Variants in AZI2 observed in about 807,000 individuals in gnomAD.
AZI2 encodes the protein 5-azacytidine-induced protein 2.
Under a neutral mutation model 45.8 loss-of-function variants are expected in AZI2, and 22 were observed. The ratio of observed to expected loss-of-function variants is 0.48; its 90% confidence interval spans 0.34 to 0.69. AZI2 has a LOEUF of 0.69. Among genes scored for constraint, AZI2 ranks in the 30% least tolerant of loss-of-function variants. The probability of loss-of-function intolerance (pLI) is 0.01; values close to 1 mark genes in which losing one functional copy is unlikely to be tolerated. For missense variants in AZI2, 417 were observed against 441.5 expected (o/e 0.94, Z 0.50); for synonymous variants, 137 against 156.7 (o/e 0.87, Z 0.94).
intron 6 of AZI2, among the ~76,000 whole-genome samples, chr3:28,328,262 T>C (rs150189172): frequency 1.9e-3 from 287 of 151,224 alleles, no homozygotes; most frequent in African/African-American, 6.5e-3. Flanking sequence ...TTTGCTACAA[T>C]GAATGTTTCA....
chr3:28,347,822 T>C (rs1414837885), intron 1 of AZI2, among the ~76,000 whole-genome samples: 1 of 152,248 alleles, frequency 6.6e-6, no homozygotes, highest in African/African-American at 2.4e-5. Flanking sequence ...ATGGCGTTTT[T>C]AGAGAAATGA....
intron 1 of AZI2, among the ~76,000 whole-genome samples, chr3:28,342,740 C>T (rs1704073619): frequency 6.6e-6 from 1 of 151,310 alleles, no homozygotes; most frequent in Non-Finnish European, 1.5e-5. Flanking sequence ...CACACACACA[C>T]ACACACACTC....
intron 5 of AZI2, among the ~76,000 whole-genome samples, chr3:28,335,246 GCTACA>G (rs1383638743): frequency 2.0e-5 from 3 of 151,956 alleles, no homozygotes; most frequent in Admixed American, 6.6e-5. Flanking sequence ...GGTACTGCTT[GCTACA>G]CTACAACAAA....
At chr3:28,328,968 A>G (rs1366675472) in intron 6 of AZI2, among the ~76,000 whole-genome samples, 1 of 151,176 alleles carries the variant, frequency 6.6e-6, no homozygotes, top group Non-Finnish European at 1.5e-5. Flanking sequence ...TTCAAAGACA[A>G]TGTATAGATT....
At chr3:28,340,294 G>C (rs1463281725) in intron 2 of AZI2, 108 bp downstream of exon 2, 1 of 771,594 alleles carries the variant, frequency 1.3e-6, no homozygotes, top group East Asian at 2.7e-5. Context: ...GTTATTCTTG[G>C]AAATTTAGTA....
chr3:28,346,467 T>A (rs1048694227), intron 1 of AZI2, among the ~76,000 whole-genome samples: 3 of 152,042 alleles, frequency 2.0e-5, no homozygotes, highest in Non-Finnish European at 4.4e-5. Flanking sequence ...CACACCAAAC[T>A]TGGCAAGAAA....
intron 5 of AZI2, among the ~76,000 whole-genome samples, chr3:28,335,014 TG>T (rs1338233942): frequency 6.6e-6 from 1 of 151,826 alleles, no homozygotes; most frequent in Non-Finnish European, 1.5e-5. Context: ...TACAGACTCT[TG>T]GGCCAAAGAA....
chr3:28,344,161 C>T (rs557195513), intron 1 of AZI2, among the ~76,000 whole-genome samples: 16 of 152,046 alleles, frequency 1.1e-4, no homozygotes, highest in African/African-American at 3.6e-4. Context: ...AATGTGCTAG[C>T]ACCACATATA....
chr3:28,331,873 T>G (rs1025313671), intron 6 of AZI2: 9 of 1,548,084 alleles, frequency 5.8e-6, no homozygotes, highest in Non-Finnish European at 7.9e-6. Context: ...TCTATTCTTA[T>G]GCGAAGAGGG....
At chr3:28,348,231 C>T (rs1306561471) in intron 1 of AZI2, 1 of 152,128 alleles carries the variant, frequency 6.6e-6, no homozygotes, top group Non-Finnish European at 1.5e-5. Context: ...ACCGTCCTAG[C>T]CAATGTCCCT....
chr3:28,343,338 G>T (rs1057022723), intron 1 of AZI2, among the ~76,000 whole-genome samples: 2 of 151,884 alleles, frequency 1.3e-5, no homozygotes, highest in African/African-American at 2.4e-5. Context: ...TCCAGCAGGG[G>T]AACAAGTTCA....
chr3:28,328,931 T>G (rs1378206734), intron 6 of AZI2, among the ~76,000 whole-genome samples: 1 of 151,190 alleles, frequency 6.6e-6, no homozygotes, highest in Non-Finnish European at 1.5e-5. Flanking sequence ...TTTAGCAGGC[T>G]TCCAATTAAA....
chr3:28,334,255 T>A (rs866062569), intron 5 of AZI2, among the ~76,000 whole-genome samples: 3 of 151,904 alleles, frequency 2.0e-5, no homozygotes, highest in East Asian at 1.9e-4. Context: ...AAATTTTTTT[T>A]AAAATGGCTA....
rs143418508 is a variant in AZI2 at position 28,323,615 on chromosome 3, C to T, written c.*427G>A. 2,222 of 153,876 alleles carry T rather than the reference C, an allele frequency of 0.014. 54 individuals are homozygous for T. Among genetic ancestry groups the T allele is most frequent in the African/African-American group, 0.05 (2,056 of 41,454 alleles). 9.5% of individuals were successfully genotyped at this position (153,876 alleles called of 1,614,324 possible). ...ATTATAACAACAGAAATGTAACCTA[C>T]TCACATTGCCATTTGTTCCATTATG... On this transcript the variant is annotated 3_prime_UTR_variant, in exon 8 of 8. Transcript: ENST00000479665.
chr3:28,328,577 T>C (rs929048573), intron 6 of AZI2, among the ~76,000 whole-genome samples: 1 of 151,166 alleles, frequency 6.6e-6, no homozygotes, highest in Non-Finnish European at 1.5e-5. Context: ...TTACAGTGCC[T>C]AATAAAAACT....
At chr3:28,324,691 T>C in intron 7 of AZI2, 1 of 360,172 alleles carries the variant, frequency 2.8e-6, no homozygotes, top group Non-Finnish European at 5.0e-6. Context: ...TGATGTCTCT[T>C]TCCTTGTCTG....
At chr3:28,325,433 T>C (rs1214742659) in intron 7 of AZI2, among the ~76,000 whole-genome samples, 1 of 150,908 alleles carries the variant, frequency 6.6e-6, no homozygotes, top group African/African-American at 2.4e-5. Context: ...GGAAGTGTAG[T>C]GTTTGGCTTT....
Position 28,332,580 on chromosome 3 carries a change from A to T in AZI2, c.589-153T>A, listed in dbSNP as rs1046515680. On this transcript the variant is annotated intron_variant, in intron 5 of 7. Coordinates refer to ENST00000479665, the MANE Select transcript of AZI2 (RefSeq NM_022461.5). ...TAGATTTTATACTCAATTTTAATGA[A>T]ATACCTCCAATCTATAACAAATATC... 4 of 568,318 alleles carry T rather than the reference A, an allele frequency of 7.0e-6. No individual in the cohort carries two copies. In the African/African-American group the frequency reaches 7.5e-5, roughly 11 times the overall value. The allele number at this position is 568,318 out of a possible 1,614,324, so 35.2% of individuals were successfully genotyped here. A position where few individuals can be genotyped will look rare whatever the true frequency, so the allele number is the denominator to read the frequency against.
intron 7 of AZI2, 38 bp downstream of exon 7, chr3:28,326,794 T>A (rs762275178): frequency 1.4e-6 from 2 of 1,457,368 alleles, no homozygotes; most frequent in Non-Finnish European, 1.9e-6. Flanking sequence ...TCAGGCAGTT[T>A]GGCTGGAATC....
Sources: allele counts gnomAD v4.1 joint callset (sites outside exome capture counted in the v4.1 genomes callset), GRCh38; gene constraint gnomAD v4.1.1; transcripts MANE v1.5; gene names NCBI Gene and HGNC (gene_info 2026-07-23, HGNC 2026-07-21).